Variants in THSD7B observed in about 807,000 individuals in gnomAD.
THSD7B encodes the protein thrombospondin type-1 domain-containing protein 7B.
Under a neutral mutation model 213.6 loss-of-function variants are expected in THSD7B, and 138 were observed. That is an observed-to-expected ratio of 0.65 (90% CI 0.56 to 0.74). THSD7B has a LOEUF of 0.74. THSD7B is among the 30% of genes least tolerant of loss of function. The pLI, the probability that THSD7B is intolerant of heterozygous loss-of-function variation, is 0.00. For missense variants in THSD7B, 1,931 were observed against 1,991.5 expected, an observed-to-expected ratio of 0.97 and a Z score of 0.58; for synonymous variants, 742 against 687.0, an observed-to-expected ratio of 1.08 and a Z score of -1.25.
intron 14 of THSD7B, among the ~76,000 whole-genome samples, chr2:137,413,221 C>T (rs1459670583): frequency 6.6e-6 from 1 of 152,098 alleles, no homozygotes; most frequent in Non-Finnish European, 1.5e-5. Context: ...ACATTAAATA[C>T]ATCACAAGAA....
intron 15 of THSD7B, among the ~76,000 whole-genome samples, chr2:137,552,402 T>C (rs1255700845): frequency 2.0e-5 from 3 of 152,186 alleles, no homozygotes; most frequent in Non-Finnish European, 4.4e-5. Context: ...CCCTCCAGAA[T>C]TGGCATCTCA....
At chr2:137,226,922 T>A (rs989605099) in intron 7 of THSD7B, among the ~76,000 whole-genome samples, 4 of 152,240 alleles carry the variant, frequency 2.6e-5, no homozygotes, top group Admixed American at 2.6e-4. Context: ...AATGAAGTTC[T>A]GAAACATGCT....
intron 25 of THSD7B, among the ~76,000 whole-genome samples, chr2:137,663,039 T>G (rs2104823324): frequency 6.9e-6 from 1 of 144,350 alleles, no homozygotes; most frequent in African/African-American, 2.6e-5. Context: ...TACTCCAGCA[T>G]CAGCAACAGA....
intron 1 of THSD7B, among the ~76,000 whole-genome samples, chr2:136,818,189 C>T (rs1167774155): frequency 2.0e-5 from 3 of 150,714 alleles, no homozygotes; most frequent in Non-Finnish European, 3.0e-5. Flanking sequence ...AAATGTGGCA[C>T]ATATACACCA....
intron 2 of THSD7B, among the ~76,000 whole-genome samples, chr2:136,925,253 A>T (rs1297836650): frequency 6.6e-6 from 1 of 152,164 alleles, no homozygotes; most frequent in Non-Finnish European, 1.5e-5. Flanking sequence ...CTTGTTTCTT[A>T]TCTTAGAAGA....
At position 137,032,939 on chromosome 2, in the gene THSD7B, T is replaced by C. The variant is rs964692733; in HGVS notation, c.140-23481T>C. ...CAAGGTTTTCAGATTATTTTCTTTA[T>C]GTATTTTTAATGGCCACTTCAAATG... On this transcript the variant is annotated intron_variant, in intron 2 of 27. Transcript: ENST00000409968. Among the ~76,000 whole-genome samples the C allele has an allele frequency of 3.9e-5, 6 of 152,234 alleles. No homozygotes were observed. The East Asian group carries it at 5.8e-4, about 15-fold the overall frequency.
intron 14 of THSD7B, among the ~76,000 whole-genome samples, chr2:137,421,727 G>C (rs1382505266): frequency 6.6e-6 from 1 of 152,146 alleles, no homozygotes; most frequent in East Asian, 1.9e-4. Flanking sequence ...ATAAATTTTG[G>C]AGAAGATTAG....
chr2:137,268,940 T>C (rs897484797), intron 10 of THSD7B, among the ~76,000 whole-genome samples: 1 of 152,190 alleles, frequency 6.6e-6, no homozygotes, highest in Non-Finnish European at 1.5e-5. Flanking sequence ...TGCTATAGGT[T>C]TGGCCATAAT....
intron 2 of THSD7B, among the ~76,000 whole-genome samples, chr2:136,924,731 A>T (rs1245211085): frequency 6.6e-6 from 1 of 152,158 alleles, no homozygotes; most frequent in African/African-American, 2.4e-5. Context: ...TGGAGTTTTC[A>T]TAAGGATTGC....
In THSD7B at chr2:137,296,928, C is replaced by G. The variant is rs72975663; in HGVS notation, c.2500+20902C>G. 5.1e-3 allele frequency among the ~76,000 whole-genome samples: 783 copies of G among 152,048 alleles called. 9 individuals are homozygous for G. Among genetic ancestry groups the G allele is most frequent in the African/African-American group, 0.018 (763 of 41,464 alleles). ...CCTCAACTGAAAAGACATCTTCAAA[C>G]TGGGTTCTTTCTAATTGGCATAAGA... On this transcript the variant is annotated intron_variant, in intron 12 of 27. Transcript: ENST00000409968.
chr2:137,417,322 G>A (rs576794009), intron 14 of THSD7B, among the ~76,000 whole-genome samples: 1 of 152,174 alleles, frequency 6.6e-6, no homozygotes, highest in South Asian at 2.1e-4. Flanking sequence ...GTTTATTTTG[G>A]TTGAGCTGGG....
chr2:137,590,657 A>T (rs1440213626), intron 17 of THSD7B, among the ~76,000 whole-genome samples: 1 of 152,084 alleles, frequency 6.6e-6, no homozygotes, highest in Non-Finnish European at 1.5e-5. Flanking sequence ...CAGGTTTTTT[A>T]GTGCTTCTGC....
chr2:137,124,918 A>G (rs1391049972), intron 5 of THSD7B, among the ~76,000 whole-genome samples: 2 of 152,034 alleles, frequency 1.3e-5, no homozygotes, highest in African/African-American at 4.8e-5. Flanking sequence ...CATGTGATAA[A>G]CTGTAGTCAC....
At chr2:137,672,342 C>T (rs1400672223) in intron 27 of THSD7B, among the ~76,000 whole-genome samples, 1 of 152,120 alleles carries the variant, frequency 6.6e-6, no homozygotes, top group Non-Finnish European at 1.5e-5. Flanking sequence ...CCAGGTTTGC[C>T]TCTCCCTAGA....
chr2:136,898,579 G>C (rs12613700), intron 2 of THSD7B, among the ~76,000 whole-genome samples: 6,426 of 114,336 alleles, frequency 0.056, 14 homozygotes, highest in Non-Finnish European at 0.064. Flanking sequence ...TTGTCCCCCC[G>C]CCCCCCCGCC....
intron 17 of THSD7B, among the ~76,000 whole-genome samples, chr2:137,615,448 A>C (rs1682365976): frequency 6.6e-6 from 1 of 152,194 alleles, no homozygotes; most frequent in Admixed American, 6.5e-5. Context: ...TTGAAGGCCC[A>C]CTGTGGGTAG....
chr2:137,623,654 C>A (rs1000784511), intron 20 of THSD7B, among the ~76,000 whole-genome samples: 31 of 152,058 alleles, frequency 2.0e-4, no homozygotes, highest in African/African-American at 7.2e-4. Flanking sequence ...AATCAATGTG[C>A]AAAAATCACA....
chr2:137,567,857 A>T (rs1681270746), intron 16 of THSD7B, among the ~76,000 whole-genome samples: 1 of 152,216 alleles, frequency 6.6e-6, no homozygotes, highest in Non-Finnish European at 1.5e-5. Context: ...GGAAAGATTT[A>T]GAATATAAAT....
At chr2:137,089,415 CAT>C (rs936592581) in intron 3 of THSD7B, among the ~76,000 whole-genome samples, 6 of 122,692 alleles carry the variant, frequency 4.9e-5, no homozygotes, top group East Asian at 2.3e-4. Context: ...TATACACACA[CAT>C]ATATGTATAT....
Sources: gnomAD v4.1 joint callset for allele counts (sites outside exome capture counted in the v4.1 genomes callset) on GRCh38, gnomAD v4.1.1 for gene constraint, MANE v1.5 for transcripts, NCBI Gene and HGNC (gene_info 2026-07-23, HGNC 2026-07-21) for gene names.